CNGB1: variants seen among roughly 807,000 people sequenced by gnomAD.
The protein encoded by CNGB1 is cyclic nucleotide gated channel subunit beta 1, also known as cyclic nucleotide-gated channel beta-1.
A neutral mutation model predicts 151.7 loss-of-function variants in CNGB1; 126 were observed. The observed-to-expected ratio is 0.83, with a 90% CI of 0.72 to 0.96. The LOEUF is 0.96. Among genes scored for constraint, CNGB1 ranks in the 40% least tolerant of loss-of-function variants. The pLI is 0.00. For synonymous variants in CNGB1, 623 were observed against 635.1 expected (o/e 0.98, Z 0.29); for missense variants, 1,698 against 1,627.0 (o/e 1.04, Z -0.75).
chr16:57,952,946 C>T (rs1435879973), intron 12 of CNGB1, among the ~76,000 whole-genome samples: 3 of 152,232 alleles, frequency 2.0e-5, no homozygotes, highest in Non-Finnish European at 4.4e-5. Context: ...TATGCTGCCA[C>T]ACAGCCCCCA....
chr16:57,914,802 C>A (rs1477974287), intron 23 of CNGB1, among the ~76,000 whole-genome samples: 2 of 152,172 alleles, frequency 1.3e-5, no homozygotes, highest in African/African-American at 2.4e-5. Context: ...CTTGCTCCTG[C>A]GACCTAGGGC....
Position 57,884,192 on chromosome 16 carries a change from G to A in CNGB1, c.3728C>T (p.Pro1243Leu), listed in dbSNP as rs372109962. 1.2e-4 allele frequency: 196 copies of A among 1,614,012 alleles called. 2 individuals carry two copies. The highest frequency in any genetic ancestry group is 9.7e-4 in the South Asian group (88 of 91,082). The change falls in exon 33 of 33, where the codon CCG becomes CTG. Residue 1243 changes from proline to leucine, a missense_variant. Coordinates refer to ENST00000251102, the MANE Select transcript of CNGB1 (RefSeq NM_001297.5). ...PGEQILSVKM[P>L]EEREEKAE ...CTCCGCCTTCTCCTCCCTTTCCTCC[G>A]GCATCTTCACCGACAGGATCTGCTC...
intron 25 of CNGB1, among the ~76,000 whole-genome samples, chr16:57,908,754 G>T (rs1755350683): frequency 6.6e-6 from 1 of 152,156 alleles, no homozygotes; most frequent in African/African-American, 2.4e-5. Flanking sequence ...CCCATCCTGT[G>T]CGCATCCCTC....
chr16:57,887,521 T>C (rs1264640502), intron 32 of CNGB1, among the ~76,000 whole-genome samples: 1 of 151,914 alleles, frequency 6.6e-6, no homozygotes, highest in Non-Finnish European at 1.5e-5. Flanking sequence ...GAGGATGTCA[T>C]CCTAGATAGA....
At position 57,917,324 on chromosome 16, in the gene CNGB1, G is replaced by A. The variant is rs1253261544; in HGVS notation, c.2110C>T (p.Leu704=). 3.1e-6 allele frequency: 5 copies of A among 1,614,014 alleles called. No homozygotes were observed. The highest frequency in any genetic ancestry group is 2.7e-5 in the African/African-American group (2 of 74,902). Reference sequence around the variant, plus strand: ...CGTGTCTGGAACACGGTGATGTCCAGGAAGTAGATGAGGTCGCATAGGTAA... The same window carrying A: ...CGTGTCTGGAACACGGTGATGTCCAAGAAGTAGATGAGGTCGCATAGGTAA... ...MDYLCDLIYF[L]DITVFQTRLQ... The change falls in exon 21 of 33, where the codon CTG becomes TTG. Residue 704 remains leucine, a synonymous_variant. Coordinates refer to ENST00000251102, the MANE Select transcript of CNGB1 (RefSeq NM_001297.5).
intron 9 of CNGB1, 71 bp from the exon 10 acceptor site, chr16:57,960,136 G>A (rs1190362182): frequency 1.0e-5 from 16 of 1,529,316 alleles, no homozygotes; most frequent in South Asian, 8.4e-5. Context: ...TCAAGGGCAC[G>A]GGGCCAGATT....
chr16:57,915,320 G>T lies in CNGB1; in HGVS notation c.2233C>A (p.Leu745Ile), dbSNP rs10459809. The change falls in exon 23 of 33, where the codon CTC becomes ATC. Residue 745 changes from leucine to isoleucine, a missense_variant. By Grantham distance (5) the Leu-to-Ile change is conservative. Coordinates refer to ENST00000251102, the MANE Select transcript of CNGB1 (RefSeq NM_001297.5). Reference protein sequence around the residue: ...SRRFKMDLLSLLPLDFLYLKV... With the variant: ...SRRFKMDLLSILPLDFLYLKV... ...AAATAGAGAAAATCCAAGGGCAGGA[G>T]GCTGAGCAGGTCCATCTGAAATCCC... The T allele has an allele frequency of 0.15, 245,099 of 1,612,560 alleles. 19,990 individuals are homozygous for T. Among genetic ancestry groups the T allele is most frequent in the Middle Eastern group, 0.18 (1,094 of 6,048 alleles).
intron 32 of CNGB1, among the ~76,000 whole-genome samples, chr16:57,885,130 C>T (rs11643127): frequency 0.65 from 99,262 of 151,958 alleles, 32,730 homozygotes; most frequent in Middle Eastern, 0.86. Flanking sequence ...CAAGCCTTTG[C>T]GGATACCTGT....
chr16:57,966,526 C>T (rs1446154540), intron 2 of CNGB1, among the ~76,000 whole-genome samples: 3 of 152,226 alleles, frequency 2.0e-5, no homozygotes, highest in Non-Finnish European at 4.4e-5. Context: ...GATGATTAAG[C>T]AGTTTGCACC....
At chr16:57,889,552 T>C (rs1321152015) in intron 31 of CNGB1, among the ~76,000 whole-genome samples, 1 of 152,242 alleles carries the variant, frequency 6.6e-6, no homozygotes, top group Non-Finnish European at 1.5e-5. Context: ...AGCTAAGCCA[T>C]GTCCGGACTT....
intron 25 of CNGB1, among the ~76,000 whole-genome samples, chr16:57,905,504 G>A (rs1960524539): frequency 6.6e-6 from 1 of 152,230 alleles, no homozygotes; most frequent in Non-Finnish European, 1.5e-5. Flanking sequence ...CCTTCTGGAA[G>A]GGAGGTATGG....
chr16:57,963,634 C>T (rs1378294213), intron 4 of CNGB1, among the ~76,000 whole-genome samples: 1 of 152,092 alleles, frequency 6.6e-6, no homozygotes, highest in African/African-American at 2.4e-5. Flanking sequence ...CTGGGAGATT[C>T]CATGCAAAAG....
chr16:57,908,159 G>A (rs146652719), intron 25 of CNGB1, among the ~76,000 whole-genome samples: 41 of 152,322 alleles, frequency 2.7e-4, no homozygotes, highest in Admixed American at 5.2e-4. Flanking sequence ...CAAAAGTGCC[G>A]GGATTACAGA....
At chr16:57,960,602 G>A in intron 8 of CNGB1, 72 bp from the exon 9 acceptor site, 1 of 1,580,612 alleles carries the variant, frequency 6.3e-7, no homozygotes, top group Non-Finnish European at 8.6e-7. Context: ...GCCACTACCA[G>A]CTGTGTCCTG....
intron 25 of CNGB1, among the ~76,000 whole-genome samples, chr16:57,906,608 G>C (rs992576998): frequency 1.3e-5 from 2 of 152,180 alleles, no homozygotes; most frequent in African/African-American, 2.4e-5. Flanking sequence ...TCAAGCCCCC[G>C]TCATACTGGT....
intron 12 of CNGB1, among the ~76,000 whole-genome samples, chr16:57,956,308 C>T (rs1262746145): frequency 6.6e-6 from 1 of 152,194 alleles, no homozygotes; most frequent in African/African-American, 2.4e-5. Flanking sequence ...TGCTCTGCTG[C>T]CCCAGGTTGG....
At chr16:57,951,681 A>G (rs762725363) in intron 12 of CNGB1, among the ~76,000 whole-genome samples, 4 of 152,246 alleles carry the variant, frequency 2.6e-5, no homozygotes, top group Non-Finnish European at 5.9e-5. Flanking sequence ...CTTACGTGGA[A>G]TAACTCGATT....
chr16:57,887,021 T>C (rs942328811), intron 32 of CNGB1, among the ~76,000 whole-genome samples: 1 of 152,114 alleles, frequency 6.6e-6, no homozygotes, highest in Non-Finnish European at 1.5e-5. Context: ...ACCACAGGCA[T>C]GTGCCACTAA....
intron 14 of CNGB1, among the ~76,000 whole-genome samples, chr16:57,941,702 A>G (rs1267204232): frequency 1.3e-5 from 2 of 152,236 alleles, no homozygotes; most frequent in African/African-American, 4.8e-5. Context: ...ATGGACCGCA[A>G]TACAATAAAG....
Sources: gnomAD v4.1 joint callset for allele counts (sites outside exome capture counted in the v4.1 genomes callset) on GRCh38, gnomAD v4.1.1 for gene constraint, MANE v1.5 for transcripts, NCBI Gene and HGNC (gene_info 2026-07-23, HGNC 2026-07-21) for gene names.